Variants in KANSL1 observed in about 807,000 individuals in gnomAD.
The protein encoded by KANSL1 is MLL1/MLL complex subunit KANSL1.
Under a neutral mutation model 103.6 loss-of-function variants are expected in KANSL1, and 22 were observed. The ratio of observed to expected loss-of-function variants is 0.21; its 90% confidence interval spans 0.15 to 0.30. The LOEUF (loss-of-function observed/expected upper bound fraction) is 0.30, where lower values mean the gene tolerates loss of function less well. Among genes scored for constraint, KANSL1 ranks in the 10% least tolerant of loss-of-function variants. The pLI, the probability that KANSL1 is intolerant of heterozygous loss-of-function variation, is 1.00. For missense variants in KANSL1, 1,337 were observed against 1,399.8 expected (o/e 0.96, Z 0.72); for synonymous variants, 600 against 527.6 (o/e 1.14, Z -1.88).
intron 1 of KANSL1, among the ~76,000 whole-genome samples, chr17:46,210,504 A>ATTCTAAATTAAAGTTTTTTTTTAAAGG (rs1555596231): frequency 3.0e-5 from 2 of 66,356 alleles, no homozygotes; most frequent in African/African-American, 1.1e-4. Context: ...AAAAAAAAAG[A>ATTCTAAATTAAAGTTTTTTTTTAAAGG]CCTGAGTGGC....
intron 4 of KANSL1, 71 bp downstream of exon 4, chr17:46,082,370 A>T: frequency 1.1e-6 from 1 of 928,360 alleles, no homozygotes; most frequent in South Asian, 1.5e-5. Context: ...CTAGTTACAG[A>T]GAAAAAACGG....
intron 1 of KANSL1, among the ~76,000 whole-genome samples, chr17:46,205,680 C>CAA (rs56154541): frequency 1.2e-4 from 11 of 93,088 alleles, no homozygotes; most frequent in African/African-American, 2.7e-4. Context: ...GACACTGTCT[C>CAA]AAAAAAAAAA....
At chr17:46,177,100 C>T (rs1192161874) in intron 1 of KANSL1, among the ~76,000 whole-genome samples, 3 of 152,210 alleles carry the variant, frequency 2.0e-5, no homozygotes, top group Non-Finnish European at 4.4e-5. Flanking sequence ...TCTCAGTTCC[C>T]ATCCTGGCTC....
intron 2 of KANSL1, among the ~76,000 whole-genome samples, chr17:46,125,063 G>T: frequency 6.1e-5 from 3 of 49,230 alleles, no homozygotes; most frequent in Non-Finnish European, 1.0e-4. Context: ...AGGGAGGAGG[G>T]AGGGAGGAGG....
intron 1 of KANSL1, among the ~76,000 whole-genome samples, chr17:46,207,661 T>G (rs1449247121): frequency 1.3e-5 from 2 of 152,196 alleles, no homozygotes; most frequent in South Asian, 4.1e-4. Context: ...AGAAGATATA[T>G]GAATGGCCAA....
intron 2 of KANSL1, among the ~76,000 whole-genome samples, chr17:46,136,820 G>A (rs937534322): frequency 2.5e-4 from 38 of 152,194 alleles, no homozygotes; most frequent in Admixed American, 5.9e-4. Context: ...CAAAACACAA[G>A]AGCAATTTAA....
intron 2 of KANSL1, among the ~76,000 whole-genome samples, chr17:46,097,160 C>T (rs1231672529): frequency 4.6e-5 from 7 of 152,154 alleles, no homozygotes; most frequent in African/African-American, 1.4e-4. Flanking sequence ...GGTAAATAAA[C>T]TATAATTTAT....
At chr17:46,140,785 C>A (rs892189260) in intron 2 of KANSL1, among the ~76,000 whole-genome samples, 2 of 152,182 alleles carry the variant, frequency 1.3e-5, no homozygotes, top group Non-Finnish European at 2.9e-5. Context: ...TTATCAGCAT[C>A]ATTAGCCATT....
At chr17:46,149,293 G>A (rs2044938185) in intron 2 of KANSL1, among the ~76,000 whole-genome samples, 1 of 152,208 alleles carries the variant, frequency 6.6e-6, no homozygotes, top group South Asian at 2.1e-4. Flanking sequence ...AAGCCACTGC[G>A]CCCAGCCTGC....
intron 4 of KANSL1, among the ~76,000 whole-genome samples, chr17:46,073,686 CAAAT>C (rs1376217092): frequency 5.3e-5 from 8 of 152,038 alleles, no homozygotes; most frequent in African/African-American, 1.9e-4. Flanking sequence ...ACTGTAGTAA[CAAAT>C]GAACCTAACT....
chr17:46,135,695 CTTTTTTTTTTT>C (rs35094789), intron 2 of KANSL1, among the ~76,000 whole-genome samples: 10 of 84,430 alleles, frequency 1.2e-4, no homozygotes, highest in East Asian at 5.0e-4. Flanking sequence ...CCATGCCTGG[CTTTTTTTTTTT>C]TTTTTTTTTT....
chr17:46,071,909 G>GC (rs1396331628), intron 4 of KANSL1, among the ~76,000 whole-genome samples: 2 of 152,154 alleles, frequency 1.3e-5, no homozygotes, highest in African/African-American at 4.8e-5. Flanking sequence ...CCAAAGCAGG[G>GC]CCCTAGGGGA....
chr17:46,094,394 G>T, intron 3 of KANSL1, 166 bp downstream of exon 3: 1 of 839,914 alleles, frequency 1.2e-6, no homozygotes, highest in Non-Finnish European at 1.8e-6. Flanking sequence ...ACCACGCGCA[G>T]CCACATCAGG....
At chr17:46,188,802 G>A (rs920724709) in intron 1 of KANSL1, among the ~76,000 whole-genome samples, 1 of 152,030 alleles carries the variant, frequency 6.6e-6, no homozygotes, top group African/African-American at 2.4e-5. Flanking sequence ...AGGCTGAGGT[G>A]GGTGGATCAC....
chr17:46,044,478 G>A (rs1001577221), intron 7 of KANSL1: 1 of 152,210 alleles, frequency 6.6e-6, no homozygotes, highest in Admixed American at 6.5e-5. Context: ...GTAGCCTCAT[G>A]TGCAGGGTTT....
At position 46,172,101 on chromosome 17, in the gene KANSL1, C is replaced by G. The variant is rs1395709730; in HGVS notation, c.43G>C (p.Ala15Pro). The G allele has an allele frequency of 1.2e-6, 2 of 1,611,400 alleles. No individual in the cohort carries two copies. ...APALTDAAAE[A>P]HHIRFKLAPP... ...GCCAGTTTGAACCGGATATGGTGTG[C>G]TTCAGCTGCTGCGTCAGTGAGAGCG... is the stretch of plus-strand genomic sequence containing the variant. The change falls in exon 2 of 15, where the codon GCA (alanine) becomes CCA (proline). Residue 15 changes from alanine to proline, a missense_variant. Ala to Pro is a conservative substitution (Grantham distance 27, BLOSUM62 -1). Coordinates refer to ENST00000432791, the MANE Select transcript of KANSL1 (RefSeq NM_015443.4).
At chr17:46,075,296 G>A (rs1371136233) in intron 4 of KANSL1, among the ~76,000 whole-genome samples, 2 of 152,156 alleles carry the variant, frequency 1.3e-5, no homozygotes, top group African/African-American at 4.8e-5. Flanking sequence ...TAAGATTAGA[G>A]AAAGCTCCGT....
At chr17:46,104,145 T>C (rs962688721) in intron 2 of KANSL1, among the ~76,000 whole-genome samples, 3 of 152,254 alleles carry the variant, frequency 2.0e-5, no homozygotes, top group African/African-American at 7.2e-5. Flanking sequence ...TGAGATATGT[T>C]TTAAAATACA....
At chr17:46,207,615 A>G (rs1237080579) in intron 1 of KANSL1, among the ~76,000 whole-genome samples, 1 of 152,254 alleles carries the variant, frequency 6.6e-6, no homozygotes, top group Non-Finnish European at 1.5e-5. Context: ...AAATAAAATT[A>G]AAATGTGCAG....
Sources: allele counts gnomAD v4.1 joint callset (sites outside exome capture counted in the v4.1 genomes callset), GRCh38; gene constraint gnomAD v4.1.1; transcripts MANE v1.5; gene names NCBI Gene and HGNC (gene_info 2026-07-23, HGNC 2026-07-21).